PDXP: variants seen among roughly 807,000 people sequenced by gnomAD.
PDXP encodes the protein pyridoxal phosphatase.
A neutral mutation model predicts 14.4 loss-of-function variants in PDXP; 15 were observed. The observed-to-expected ratio is 1.04, with a 90% CI of 0.70 to 1.60. PDXP has a LOEUF of 1.60. Ranked by LOEUF, PDXP falls within the 40% of genes most tolerant of loss-of-function variation. The pLI, the probability that PDXP is intolerant of heterozygous loss-of-function variation, is 0.00. For missense variants in PDXP, 413 were observed against 427.6 expected, an observed-to-expected ratio of 0.97 and a Z score of 0.30; for synonymous variants, 233 against 205.6, an observed-to-expected ratio of 1.13 and a Z score of -1.14.
intron 1 of PDXP, among the ~76,000 whole-genome samples, chr22:37,662,274 C>T (rs1200190378): frequency 6.6e-6 from 1 of 152,078 alleles, no homozygotes; most frequent in Non-Finnish European, 1.5e-5. Flanking sequence ...CTGGGGACAG[C>T]AGGGCTGAGG....
At chr22:37,665,444 T>A (rs1232488071) in intron 1 of PDXP, 111 bp from the exon 2 acceptor site, 1 of 866,024 alleles carries the variant, frequency 1.2e-6, no homozygotes, top group Non-Finnish European at 1.7e-6. Context: ...TTCTGGCTCC[T>A]GTCAGCAGCC....
intron 1 of PDXP, among the ~76,000 whole-genome samples, chr22:37,663,680 T>G (rs1920986126): frequency 6.6e-6 from 1 of 151,986 alleles, no homozygotes; most frequent in South Asian, 2.1e-4. Flanking sequence ...CCAGTCAGCC[T>G]CTGCTGCCAC....
chr22:37,659,096 A>G lies in PDXP; in HGVS notation c.314A>G (p.Asp105Gly). ...CGCCAGCGCCTGCCCGGGCCTCCGG[A>G]CGCGCCGGGCGCCGTGTTCGTGCTG... ...LLRQRLPGPPDAPGAVFVLGG... is the reference protein window; with the variant it reads ...LLRQRLPGPPGAPGAVFVLGG... The change falls in exon 1 of 2, where the codon GAC (aspartate) becomes GGC (glycine). Residue 105 changes from aspartate to glycine, a missense_variant. Asp to Gly is a moderately conservative substitution (Grantham distance 94). Coordinates refer to ENST00000215904, the MANE Select transcript of PDXP (RefSeq NM_020315.5). The G allele has an allele frequency of 9.5e-7, 1 of 1,052,776 alleles. No individual in the cohort carries two copies. Among genetic ancestry groups the G allele is most frequent in the Non-Finnish European group, 1.1e-6 (1 of 875,872 alleles). 65.2% of individuals were successfully genotyped at this position (1,052,776 alleles called of 1,614,324 possible).
intron 1 of PDXP, among the ~76,000 whole-genome samples, 200 bp downstream of exon 1, chr22:37,659,556 C>T (rs1933161250): frequency 6.6e-6 from 1 of 152,112 alleles, no homozygotes; most frequent in Non-Finnish European, 1.5e-5. Flanking sequence ...CAGTGTGGTC[C>T]CTGTTGGACA....
rs1461296263 is a variant in PDXP, at chr22:37,659,178, C to T, written c.396C>T (p.Asp132=). 3 of 1,177,500 alleles carry T rather than the reference C, an allele frequency of 2.5e-6. No homozygotes were observed. Among genetic ancestry groups the T allele is most frequent in the Non-Finnish European group, 3.1e-6 (3 of 953,336 alleles). The allele number at this position is 1,177,500 out of a possible 1,614,324, so 72.9% of individuals were successfully genotyped here. ...CCGCGGGGCTGCGCCTGGCCGGGGA[C>T]CCGAGCGCGGGGGACGGCGCGGCCC... is the stretch of plus-strand genomic sequence containing the variant. ...LRAAGLRLAG[D]PSAGDGAAPR... Residue 132 remains aspartate, a synonymous_variant, in exon 1 of 2, where the codon GAC becomes GAT. Transcript: ENST00000215904.
Position 37,666,059 on chromosome 22 carries a change from T to C in PDXP, c.*188T>C, listed in dbSNP as rs1202443606. The C allele has an allele frequency of 1.4e-5, 9 of 636,358 alleles. No individual in the cohort carries two copies. Among genetic ancestry groups the C allele is most frequent in the Non-Finnish European group, 2.2e-5 (8 of 357,100 alleles). 39.4% of individuals were successfully genotyped at this position (636,358 alleles called of 1,614,324 possible). A position where few individuals can be genotyped will look rare whatever the true frequency, so the allele number is the denominator to read the frequency against. ...CCTCCCAGCAGTGGCTGGGCACTCT[T>C]TGCTGCCCCAGAAGCTGGTCCCCTA... On this transcript the variant is annotated 3_prime_UTR_variant, in exon 2 of 2. Transcript: ENST00000215904.
intron 1 of PDXP, among the ~76,000 whole-genome samples, chr22:37,661,903 T>C (rs1601596004): frequency 6.9e-6 from 1 of 145,680 alleles, no homozygotes; most frequent in African/African-American, 2.5e-5. Flanking sequence ...TTTTATTCTC[T>C]CTCTTTTTCT....
chr22:37,665,637 C>T lies in PDXP; in HGVS notation c.657C>T (p.Phe219=), dbSNP rs755025302. ...TGGGCAAGCCCAGCCCCTACATGTT[C>T]GAGTGCATCACGGAGAACTTCAGCA... ...LVVGKPSPYM[F]ECITENFSID... Residue 219 remains phenylalanine, a synonymous_variant, in exon 2 of 2, where the codon TTC becomes TTT. Coordinates refer to ENST00000215904, the MANE Select transcript of PDXP (RefSeq NM_020315.5). 5 of 1,613,962 alleles carry T rather than the reference C, an allele frequency of 3.1e-6. No individual in the cohort carries two copies. Among genetic ancestry groups the T allele is most frequent in the Admixed American group, 1.7e-5 (1 of 60,012 alleles).
intron 1 of PDXP, chr22:37,664,861 C>T (rs1269882351): frequency 1.3e-5 from 2 of 153,122 alleles, no homozygotes; most frequent in Non-Finnish European, 2.9e-5. Context: ...TAGCCACAGA[C>T]GTCTTCCAGC....
rs901223748 is a variant in PDXP, at chr22:37,666,415, C to T, written c.*544C>T. 5 of 177,472 alleles carry T rather than the reference C, an allele frequency of 2.8e-5. No individual in the cohort carries two copies. The highest frequency in any genetic ancestry group is 1.2e-4 in the African/African-American group (5 of 41,534). 11.0% of individuals were successfully genotyped at this position (177,472 alleles called of 1,614,324 possible). A position where few individuals can be genotyped will look rare whatever the true frequency, so the allele number is the denominator to read the frequency against. ...AGTGACCCTTTCACGTCCTGGAGCC[C>T]GAGTGGACCAATCGGAAGCCTAAGT... On this transcript the variant is annotated 3_prime_UTR_variant, in exon 2 of 2. Transcript: ENST00000215904.
chr22:37,664,623 A>G (rs964917870), intron 1 of PDXP, among the ~76,000 whole-genome samples: 5 of 152,238 alleles, frequency 3.3e-5, no homozygotes, highest in African/African-American at 1.2e-4. Flanking sequence ...CAGGCCAGGC[A>G]GTTTAGAATG....
intron 1 of PDXP, among the ~76,000 whole-genome samples, chr22:37,660,169 T>C (rs1933174590): frequency 6.6e-6 from 1 of 152,148 alleles, no homozygotes; most frequent in Non-Finnish European, 1.5e-5. Flanking sequence ...TACTTCAGCA[T>C]GGGCAACATA....
Position 37,659,450 on chromosome 22 carries a change from G to C in PDXP, c.574+94G>C, listed in dbSNP as rs546046143. The C allele has an allele frequency of 1.4e-5, 14 of 981,848 alleles. 1 individual carries two copies. The South Asian group carries it at 6.3e-4, about 44-fold the overall frequency. 60.8% of individuals were successfully genotyped at this position (981,848 alleles called of 1,614,324 possible). A position where few individuals can be genotyped will look rare whatever the true frequency, so the allele number is the denominator to read the frequency against. ...GAGGGGCGGGGAAGAGGCGTCTCCA[G>C]GTGGCAGGTGGGGAACAGGAGAGTG... On this transcript the variant is annotated intron_variant, in intron 1 of 1. Transcript: ENST00000215904.
In PDXP at chr22:37,665,592, G is replaced by T. The variant is rs550129760; in HGVS notation, c.612G>T (p.Ser204=). The change falls in exon 2 of 2, where the codon TCG becomes TCT. Residue 204 remains serine, a synonymous_variant. Coordinates refer to ENST00000215904, the MANE Select transcript of PDXP (RefSeq NM_020315.5). ...GSLAAAVETA[S]GRQALVVGKP... is the part of the protein sequence containing the mutation. ...TGGCCGCTGCAGTGGAGACAGCCTCGGGACGCCAGGCCCTGGTGGTGGGCA... is the reference window on the plus strand; with the variant it reads ...TGGCCGCTGCAGTGGAGACAGCCTCTGGACGCCAGGCCCTGGTGGTGGGCA... 6.2e-7 allele frequency: 1 copy of T among 1,612,422 alleles called. No individual in the cohort carries two copies. Among genetic ancestry groups the T allele is most frequent in the African/African-American group, 1.3e-5 (1 of 75,000 alleles).
chr22:37,662,636 G>T (rs1165909025), intron 1 of PDXP, among the ~76,000 whole-genome samples: 1 of 152,214 alleles, frequency 6.6e-6, no homozygotes, highest in African/African-American at 2.4e-5. Flanking sequence ...GCAGAGGCTA[G>T]TGTGGTTCAG....
In PDXP at chr22:37,666,009, G is replaced by A; in HGVS notation, c.*138G>A. ...CACCGGGGTGGGGCTGGGACCCGGG[G>A]AAGGTTTGAGGGCCCTTGCAACCCC... On this transcript the variant is annotated 3_prime_UTR_variant, in exon 2 of 2. Coordinates refer to ENST00000215904, the MANE Select transcript of PDXP (RefSeq NM_020315.5). 1.1e-6 allele frequency: 1 copy of A among 905,002 alleles called. No homozygotes were observed. Among genetic ancestry groups the A allele is most frequent in the Non-Finnish European group, 1.7e-6 (1 of 596,470 alleles). The allele number at this position is 905,002 out of a possible 1,614,324, so 56.1% of individuals were successfully genotyped here.
chr22:37,663,886 A>AT (rs918366393), intron 1 of PDXP, among the ~76,000 whole-genome samples: 10 of 98,506 alleles, frequency 1.0e-4, no homozygotes, highest in African/African-American at 4.4e-4. Flanking sequence ...TTATTTATTT[A>AT]TTTTAAATGC....
chr22:37,665,275 A>G (rs747693586), intron 1 of PDXP, among the ~76,000 whole-genome samples: 4 of 152,020 alleles, frequency 2.6e-5, no homozygotes, highest in Admixed American at 2.6e-4. Flanking sequence ...CAGTACCCAC[A>G]TGAGATAAGT....
chr22:37,664,380 C>CCA (rs1280151552), intron 1 of PDXP, among the ~76,000 whole-genome samples: 2 of 152,162 alleles, frequency 1.3e-5, no homozygotes, highest in East Asian at 3.9e-4. Context: ...CAGGCATGGG[C>CCA]CACTGTACCC....
Sources: gnomAD v4.1 joint callset for allele counts (sites outside exome capture counted in the v4.1 genomes callset) on GRCh38, gnomAD v4.1.1 for gene constraint, MANE v1.5 for transcripts, NCBI Gene and HGNC (gene_info 2026-07-23, HGNC 2026-07-21) for gene names.